The following DAB1 variants were observed in gnomAD, a reference collection of about 807,000 sequenced individuals.
DAB1 encodes DAB adaptor protein 1, also known as disabled homolog 1.
In DAB1, 15 loss-of-function variants were observed where a neutral mutation model predicts 64.6. The observed-to-expected ratio is 0.23, with a 90% CI of 0.16 to 0.36. The LOEUF is 0.36. Ranked by LOEUF, DAB1 falls within the 10% of genes least tolerant of loss-of-function variation. The probability of loss-of-function intolerance (pLI) is 1.00; values close to 1 mark genes in which losing one functional copy is unlikely to be tolerated. For synonymous variants in DAB1, 235 were observed against 251.9 expected (o/e 0.93, Z 0.64); for missense variants, 596 against 706.7 (o/e 0.84, Z 1.78).
chr1:57,502,318 CAAAAAA>C (rs10649147), intron 7 of DAB1, among the ~76,000 whole-genome samples: 1 of 94,238 alleles, frequency 1.1e-5, no homozygotes, highest in Non-Finnish European at 2.1e-5. Context: ...GAGTCCGTCT[CAAAAAA>C]AAAAAAAAAA....
intron 4 of DAB1, among the ~76,000 whole-genome samples, chr1:57,085,556 C>T (rs1338307136): frequency 3.3e-5 from 5 of 152,182 alleles, no homozygotes; most frequent in Non-Finnish European, 5.9e-5. Flanking sequence ...CCCTTGCCTC[C>T]GAGGAGCTCA....
intron 3 of DAB1, among the ~76,000 whole-genome samples, chr1:58,427,781 T>C (rs188082183): frequency 4.1e-4 from 63 of 152,176 alleles, no homozygotes; most frequent in Non-Finnish European, 1.9e-4. Context: ...GATAGGGAGT[T>C]GGTCATGTAA....
At chr1:57,776,407 C>T (rs924186587) in intron 6 of DAB1, among the ~76,000 whole-genome samples, 15 of 151,694 alleles carry the variant, frequency 9.9e-5, no homozygotes, top group African/African-American at 3.4e-4. Flanking sequence ...TCATCTCTGC[C>T]TTTTCATTTG....
At chr1:57,640,596 G>A (rs12066246) in intron 7 of DAB1, among the ~76,000 whole-genome samples, 1,692 of 152,230 alleles carry the variant, frequency 0.011, 26 homozygotes, top group African/African-American at 0.039. Context: ...ACTCCCCTGA[G>A]AGCCTATTCC....
intron 2 of DAB1, among the ~76,000 whole-genome samples, chr1:57,246,087 G>A (rs1668850811): frequency 6.6e-6 from 1 of 152,240 alleles, no homozygotes; most frequent in African/African-American, 2.4e-5. Context: ...TTTCTGGGGA[G>A]AAATTCAAGT....
rs139148971 is a variant in DAB1 at position 58,049,175 on chromosome 1, C to A, written n.387+101336G>T. ...CTCTCAGGACCACACAGTCCGTGAGCGTTCCCTATTGCTCAAAATGGCTTC... is the reference window on the plus strand; with the variant it reads ...CTCTCAGGACCACACAGTCCGTGAGAGTTCCCTATTGCTCAAAATGGCTTC... On this transcript the variant is annotated intron_variant and non_coding_transcript_variant, in intron 5 of 20. Coordinates refer to the DAB1 transcript ENST00000485760. 924 of 774,830 alleles carry A rather than the reference C, an allele frequency of 1.2e-3. 4 individuals carry two copies. In the African/African-American group the frequency reaches 0.014, roughly 11 times the overall value. The allele number at this position is 774,830 out of a possible 1,614,324, so 48.0% of individuals were successfully genotyped here.
rs537525189 is a variant in DAB1, at chr1:58,198,648, T to A, written n.310-48060A>T. Among the ~76,000 whole-genome samples the A allele has an allele frequency of 2.0e-5, 3 of 152,338 alleles. No individual in the cohort carries two copies. The South Asian group carries it at 6.2e-4, about 32-fold the overall frequency. ...TTGATTCAGATCTTTGACTCCAAGA[T>A]TAGACATATGACCCAGCCTGGCCAA... On this transcript the variant is annotated intron_variant and non_coding_transcript_variant, in intron 4 of 20. Coordinates refer to the DAB1 transcript ENST00000485760.
chr1:57,653,063 G>A (rs1022786529), intron 6 of DAB1, among the ~76,000 whole-genome samples: 3 of 152,100 alleles, frequency 2.0e-5, no homozygotes, highest in Non-Finnish European at 4.4e-5. Context: ...AATATTTCAA[G>A]CATGAACCTG....
chr1:57,358,181 C>T (rs1477745541), intron 1 of DAB1, among the ~76,000 whole-genome samples: 1 of 152,008 alleles, frequency 6.6e-6, no homozygotes, highest in African/African-American at 2.4e-5. Flanking sequence ...ACTTCTAGCA[C>T]TATGCTGAAC....
At chr1:58,529,141 C>T (rs1279519057) in intron 1 of DAB1, among the ~76,000 whole-genome samples, 1 of 152,084 alleles carries the variant, frequency 6.6e-6, no homozygotes, top group African/African-American at 2.4e-5. Flanking sequence ...TCTTTAAGAA[C>T]CTTTACTTCA....
chr1:57,290,299 A>G (rs931317981), intron 2 of DAB1, among the ~76,000 whole-genome samples: 1 of 152,114 alleles, frequency 6.6e-6, no homozygotes, highest in African/African-American at 2.4e-5. Context: ...CTGGATTAAG[A>G]GTCCAGTGGT....
At chr1:58,448,455 T>C (rs1198940349) in intron 3 of DAB1, among the ~76,000 whole-genome samples, 8 of 152,212 alleles carry the variant, frequency 5.3e-5, no homozygotes, top group Admixed American at 2.0e-4. Flanking sequence ...CAATTTTGAA[T>C]TGGAGCACAG....
chr1:57,314,813 A>G (rs1675055982), intron 1 of DAB1, among the ~76,000 whole-genome samples: 1 of 152,008 alleles, frequency 6.6e-6, no homozygotes, highest in Non-Finnish European at 1.5e-5. Context: ...GATGGAAAAA[A>G]AGGACAGATG....
At chr1:57,639,020 A>T (rs1466138720) in intron 7 of DAB1, among the ~76,000 whole-genome samples, 2 of 58,588 alleles carry the variant, frequency 3.4e-5, no homozygotes, top group Non-Finnish European at 6.4e-5. Flanking sequence ...TTCATAAAGA[A>T]CTTTAGTAAA....
intron 2 of DAB1, among the ~76,000 whole-genome samples, chr1:58,518,959 A>C (rs1039308885): frequency 2.6e-5 from 4 of 152,216 alleles, no homozygotes; most frequent in African/African-American, 9.6e-5. Context: ...TCATAATCAC[A>C]CAGCTAGTAC....
At chr1:58,096,771 G>C (rs1054245748) in intron 5 of DAB1, among the ~76,000 whole-genome samples, 14 of 152,210 alleles carry the variant, frequency 9.2e-5, no homozygotes, top group African/African-American at 3.4e-4. Context: ...TTTCTCTTCA[G>C]GGCTGCCATG....
rs35817738 is a variant in DAB1, at chr1:58,313,819, ATG to A, written n.309+29531_309+29532del. Among the ~76,000 whole-genome samples the A allele has an allele frequency of 7.2e-3, 864 of 119,972 alleles. 6 individuals carry two copies. The highest frequency in any genetic ancestry group is 0.018 in the African/African-American group (500 of 28,108). The allele number at this position is 119,972 out of a possible 152,430, so 78.7% of individuals were successfully genotyped here. ...GTGGCCATCCTCTCATTGTATCTTC[ATG>A]TGTGTGTGTGTGTGTGTGTGTGTGT... On this transcript the variant is annotated intron_variant and non_coding_transcript_variant, in intron 4 of 20. Coordinates refer to the DAB1 transcript ENST00000485760.
rs1459968138 is a variant in DAB1, at chr1:57,312,141, A to AT, written c.-136-20976dup. Among the ~76,000 whole-genome samples, 18 of 152,348 alleles carry AT rather than the reference A, an allele frequency of 1.2e-4. 1 individual carries two copies. The East Asian group carries it at 3.5e-3, about 29-fold the overall frequency. On this transcript the variant is annotated intron_variant, in intron 1 of 14. Transcript: ENST00000371236. The stretch of plus-strand genomic sequence containing the variant: ...TTTATGCCATCCATAATCTCATGTG[A>AT]TCCCCACAACACGACCCCAGCCCTT...
intron 4 of DAB1, among the ~76,000 whole-genome samples, chr1:58,233,432 G>A (rs558148912): frequency 7.2e-5 from 11 of 152,210 alleles, no homozygotes; most frequent in South Asian, 6.2e-4. Context: ...AGGGCCCTCC[G>A]ATCACCATAT....
Sources: allele counts gnomAD v4.1 joint callset (sites outside exome capture counted in the v4.1 genomes callset), GRCh38; gene constraint gnomAD v4.1.1; transcripts MANE v1.5; gene names NCBI Gene and HGNC (gene_info 2026-07-23, HGNC 2026-07-21).